The following SLC2A5 variants were observed in gnomAD, a reference collection of about 807,000 sequenced individuals.
SLC2A5 encodes the protein solute carrier family 2 member 5.
SLC2A5 carries 56 observed loss-of-function variants against 50.3 expected under a neutral mutation model. The ratio of observed to expected loss-of-function variants is 1.11; its 90% CI spans 0.90 to 1.39. The LOEUF is 1.39. SLC2A5 is among the 40% of genes most tolerant of loss of function. The probability of loss-of-function intolerance (pLI) is 0.00; values close to 1 mark genes in which losing one functional copy is unlikely to be tolerated. For missense variants in SLC2A5, 566 were observed against 650.1 expected (o/e 0.87, Z 1.41); for synonymous variants, 269 against 281.9 (o/e 0.95, Z 0.46).
chr1:9,071,604 G>T (rs1260423270), upstream of SLC2A5: 3 of 152,410 alleles, frequency 2.0e-5, no homozygotes, highest in Middle Eastern at 6.7e-3. Context: ...CCAGCCCGGG[G>T]AAGCGGGGAC....
At chr1:9,041,959 ACAC>A in intron 4 of SLC2A5, 22 bp from the exon 5 acceptor site, 1 of 1,557,396 alleles carries the variant, frequency 6.4e-7, no homozygotes, top group Non-Finnish European at 8.7e-7. Flanking sequence ...TGAAATAGAA[ACAC>A]CATCAGAAAA....
intron 1 of SLC2A5, among the ~76,000 whole-genome samples, chr1:9,068,308 A>C (rs886769716): frequency 6.6e-6 from 1 of 151,642 alleles, no homozygotes; most frequent in Non-Finnish European, 1.5e-5. Flanking sequence ...CCAGCACCCT[A>C]TGAGGCGGTA....
the SLC2A5 span, among the ~76,000 whole-genome samples, chr1:9,094,035 C>T: frequency 5.0e-4 from 76 of 152,294 alleles, no homozygotes; most frequent in African/African-American, 1.1e-3. Context: ...ACTAAACACA[C>T]GCCCCTTTTA....
chr1:9,050,927 C>T (rs1641556823), intron 3 of SLC2A5, among the ~76,000 whole-genome samples: 1 of 152,016 alleles, frequency 6.6e-6, no homozygotes, highest in South Asian at 2.1e-4. Context: ...TCCAACACAG[C>T]CTCAAAATAC....
At chr1:9,081,263 A>G (rs1170849304) in intron 2 of SLC2A5, among the ~76,000 whole-genome samples, 50 of 99,438 alleles carry the variant, frequency 5.0e-4, no homozygotes, top group Non-Finnish European at 5.3e-4. Context: ...TTGTTTCAGA[A>G]AAAAAAAAAA....
chr1:9,084,136 C>T (rs1174108688), intron 2 of SLC2A5, among the ~76,000 whole-genome samples: 3 of 151,470 alleles, frequency 2.0e-5, no homozygotes, highest in African/African-American at 4.9e-5. Context: ...AGCGAGACTC[C>T]GTCTCAAAAA....
intron 1 of SLC2A5, among the ~76,000 whole-genome samples, chr1:9,066,410 C>T (rs78360541): frequency 0.073 from 11,044 of 152,026 alleles, 559 homozygotes; most frequent in Middle Eastern, 0.16. Context: ...AATTTTTGTA[C>T]ACTTTGTAGA....
chr1:9,054,893 C>T (rs1169867579), intron 3 of SLC2A5, among the ~76,000 whole-genome samples: 1 of 152,138 alleles, frequency 6.6e-6, no homozygotes, highest in Non-Finnish European at 1.5e-5. Flanking sequence ...CACTGCACTC[C>T]CACCTAGGTG....
intron 1 of SLC2A5, among the ~76,000 whole-genome samples, chr1:9,064,393 G>A (rs543372484): frequency 4.6e-5 from 7 of 152,176 alleles, no homozygotes; most frequent in African/African-American, 1.7e-4. Context: ...AGCCGTGACC[G>A]GGAGGGTCTC....
At chr1:9,071,966 GTCCCCCTCTGCCTCAGCCCAGA>G (rs1557683002), upstream of SLC2A5, 1 of 156,652 alleles carries the variant, frequency 6.4e-6, no homozygotes, top group Non-Finnish European at 1.4e-5. Flanking sequence ...CTCAGCCTCG[GTCCCCCTCTGCCTCAGCCCAGA>G]TCCCCCCCAG....
chr1:9,088,644 G>A (rs370005736), upstream of SLC2A5, among the ~76,000 whole-genome samples: 10 of 152,302 alleles, frequency 6.6e-5, no homozygotes, highest in East Asian at 9.7e-4. Context: ...TTAGCCAGGC[G>A]TGGTGGCGGG....
chr1:9,049,583 A>C (rs925228087), intron 3 of SLC2A5, among the ~76,000 whole-genome samples: 2 of 151,908 alleles, frequency 1.3e-5, no homozygotes, highest in Non-Finnish European at 2.9e-5. Flanking sequence ...CGCACCTCTA[A>C]TCCCAGCTAC....
chr1:9,044,204 G>A (rs1398463016), intron 4 of SLC2A5, among the ~76,000 whole-genome samples: 1 of 151,840 alleles, frequency 6.6e-6, no homozygotes, highest in African/African-American at 2.4e-5. Flanking sequence ...GGTGGCACAT[G>A]CCTACAGTGC....
upstream of SLC2A5, among the ~76,000 whole-genome samples, chr1:9,070,518 G>A (rs756424228): frequency 2.0e-5 from 3 of 152,066 alleles, no homozygotes; most frequent in Admixed American, 1.3e-4. Context: ...CTGCTGGTCC[G>A]GGTCCGGCCA....
intron 1 of SLC2A5, among the ~76,000 whole-genome samples, chr1:9,059,136 CTTTTTTTTTTT>C (rs869052429): frequency 1.9e-5 from 1 of 53,926 alleles, no homozygotes; most frequent in African/African-American, 7.7e-5. Flanking sequence ...GCCTTTCTTT[CTTTTTTTTTTT>C]TTTTTTTTTT....
intron 3 of SLC2A5, among the ~76,000 whole-genome samples, chr1:9,053,836 T>G (rs1362240986): frequency 6.7e-6 from 1 of 150,374 alleles, no homozygotes; most frequent in African/African-American, 2.4e-5. Flanking sequence ...ATTGCGCCAT[T>G]GCACTCCAGC....
chr1:9,087,298 G>A (rs563724499), intron 1 of SLC2A5, among the ~76,000 whole-genome samples: 47 of 151,120 alleles, frequency 3.1e-4, no homozygotes, highest in Admixed American at 2.0e-3. Flanking sequence ...TCCGCCTCCC[G>A]GGTTCTCGCC....
rs534980545 is a variant in SLC2A5 at position 9,042,593 on chromosome 1, C to CTGTG, written c.419-660_419-657dup. On this transcript the variant is annotated intron_variant, in intron 4 of 11. Transcript: ENST00000377424. The stretch of plus-strand genomic sequence containing the variant: ...GTGTACATATATATATATATGGCCT[C>CTGTG]TGTGTGTGTGTGTGTGTGTATGTGT... Among the ~76,000 whole-genome samples, 218 of 131,758 alleles carry CTGTG rather than the reference C, an allele frequency of 1.7e-3. 1 individual carries two copies. The highest frequency in any genetic ancestry group is 2.5e-3 in the Non-Finnish European group (154 of 61,806). 86.4% of individuals were successfully genotyped at this position (131,758 alleles called of 152,430 possible). A position where few individuals can be genotyped will look rare whatever the true frequency, so the allele number is the denominator to read the frequency against.
chr1:9,063,377 TTTG>T (rs1216156628), intron 1 of SLC2A5, among the ~76,000 whole-genome samples: 3 of 151,578 alleles, frequency 2.0e-5, no homozygotes, highest in Non-Finnish European at 4.4e-5. Context: ...TTAAATTTTT[TTTG>T]TTGTTGTTTT....
Sources: gnomAD v4.1 joint callset for allele counts (sites outside exome capture counted in the v4.1 genomes callset) on GRCh38, gnomAD v4.1.1 for gene constraint, MANE v1.5 for transcripts, NCBI Gene and HGNC (gene_info 2026-07-23, HGNC 2026-07-21) for gene names.